Variants in CCDC152 observed in about 807,000 individuals in gnomAD.
CCDC152 encodes coiled-coil domain containing 152.
CCDC152 carries 37 observed loss-of-function variants against 38.1 expected under a neutral mutation model. The ratio of observed to expected loss-of-function variants is 0.97; its 90% CI spans 0.75 to 1.28. The LOEUF is 1.28. Ranked by LOEUF, CCDC152 falls within the 50% of genes most tolerant of loss-of-function variation. The probability of loss-of-function intolerance (pLI) is 0.00; values close to 1 mark genes in which losing one functional copy is unlikely to be tolerated. For synonymous variants in CCDC152, 83 were observed against 87.1 expected (o/e 0.95, Z 0.26); for missense variants, 259 against 292.1 (o/e 0.89, Z 0.83).
At chr5:42,787,681 T>C (rs1759940959) in intron 6 of CCDC152, among the ~76,000 whole-genome samples, 1 of 152,204 alleles carries the variant, frequency 6.6e-6, no homozygotes. Flanking sequence ...AATTGCTGAA[T>C]TGAAGCCTTT....
chr5:42,790,245 G>A (rs1169837039), intron 6 of CCDC152, among the ~76,000 whole-genome samples: 3 of 152,218 alleles, frequency 2.0e-5, no homozygotes, highest in Non-Finnish European at 4.4e-5. Context: ...GCCAAGGCGG[G>A]CGGATTACCT....
Position 42,779,439 on chromosome 5 carries a change from T to C in CCDC152, c.263-19T>C. The C allele has an allele frequency of 7.4e-7, 1 of 1,353,334 alleles. No individual in the cohort carries two copies. 83.8% of individuals were successfully genotyped at this position (1,353,334 alleles called of 1,614,324 possible). A position where few individuals can be genotyped will look rare whatever the true frequency, so the allele number is the denominator to read the frequency against. On this transcript the variant is annotated intron_variant, in intron 4 of 8. Transcript: ENST00000361970. ...AAAAGTGCTATATATTATGATGTTC[T>C]TTGATTATTCTTACACAGGTGAAAA...
In CCDC152 at chr5:42,764,623, TG is replaced by T. The variant is rs377632891; in HGVS notation, c.193+2076del. Among the ~76,000 whole-genome samples, 42 of 152,292 alleles carry T rather than the reference TG, an allele frequency of 2.8e-4. 1 individual carries two copies. The highest frequency in any genetic ancestry group is 9.6e-4 in the African/African-American group (40 of 41,556). ...TTGGATGCAAGGATGCTTCAACATA[TG>T]CAAATCAACCAATGTGTTACATCAT... On this transcript the variant is annotated intron_variant, in intron 3 of 8. Coordinates refer to ENST00000361970, the MANE Select transcript of CCDC152 (RefSeq NM_001134848.2).
At position 42,799,660 on chromosome 5, in the gene CCDC152, A is replaced by C; in HGVS notation, c.644A>C (p.Lys215Thr). The C allele has an allele frequency of 6.5e-7, 1 of 1,541,080 alleles. No homozygotes were observed. The highest frequency in any genetic ancestry group is 8.8e-7 in the Non-Finnish European group (1 of 1,142,404). The change falls in exon 9 of 9, where the codon AAA (lysine) becomes ACA (threonine). Residue 215 changes from lysine to threonine, a missense_variant and splice_region_variant. Transcript: ENST00000361970. ...TVLPQSIYRR[K>T]LQHFQEEKNK... is the part of the protein sequence containing the mutation. Reference sequence around the variant, plus strand: ...TAACAAATTTTTTGTTTCGTTTAGAAACTTCAGCATTTTCAAGAAGAAAAA... The same window carrying C: ...TAACAAATTTTTTGTTTCGTTTAGACACTTCAGCATTTTCAAGAAGAAAAA...
Position 42,801,378 on chromosome 5 carries a change from G to C in CCDC152, c.*1597G>C. ...CTTTTTAACAAGCTTATAGAGATAG[G>C]AATAATGCGTGAAAAATGATTTGTA... On this transcript the variant is annotated 3_prime_UTR_variant, in exon 9 of 9. Coordinates refer to ENST00000361970, the MANE Select transcript of CCDC152 (RefSeq NM_001134848.2). 1 of 1,359,802 alleles carries C rather than the reference G, an allele frequency of 7.4e-7. No homozygotes were observed. The highest frequency in any genetic ancestry group is 1.0e-6 in the Non-Finnish European group (1 of 997,036). The allele number at this position is 1,359,802 out of a possible 1,614,324, so 84.2% of individuals were successfully genotyped here.
intron 3 of CCDC152, among the ~76,000 whole-genome samples, chr5:42,768,873 C>T (rs192227434): frequency 2.6e-5 from 4 of 152,272 alleles, no homozygotes; most frequent in Non-Finnish European, 5.9e-5. Context: ...TGCTTAGGCA[C>T]ATGGTAGGAC....
At chr5:42,793,285 A>G (rs1388820864) in intron 6 of CCDC152, among the ~76,000 whole-genome samples, 1 of 152,174 alleles carries the variant, frequency 6.6e-6, no homozygotes. Flanking sequence ...GTATTTGAGC[A>G]AAAGGATAGA....
At chr5:42,783,256 G>A (rs529863449) in intron 5 of CCDC152, among the ~76,000 whole-genome samples, 2 of 151,792 alleles carry the variant, frequency 1.3e-5, no homozygotes, top group African/African-American at 4.8e-5. Context: ...TTCAAACAAT[G>A]AACAATATTT....
rs1760160873 is a variant in CCDC152, at chr5:42,800,569, A to C, written c.*788A>C. The C allele has an allele frequency of 1.1e-6, 1 of 925,788 alleles. No individual in the cohort carries two copies. The highest frequency in any genetic ancestry group is 1.6e-6 in the Non-Finnish European group (1 of 636,764). The allele number at this position is 925,788 out of a possible 1,614,324, so 57.3% of individuals were successfully genotyped here. On this transcript the variant is annotated 3_prime_UTR_variant, in exon 9 of 9. Coordinates refer to ENST00000361970, the MANE Select transcript of CCDC152 (RefSeq NM_001134848.2). ...TTGAGTCAATATTTCTATGACATAA[A>C]ATTTAAAATCTGGAAGCCAATTCAG...
At chr5:42,789,030 A>G (rs1759963131) in intron 6 of CCDC152, among the ~76,000 whole-genome samples, 1 of 152,256 alleles carries the variant, frequency 6.6e-6, no homozygotes, top group African/African-American at 2.4e-5. Context: ...AGGCATACGC[A>G]GGCATGCCTG....
intron 5 of CCDC152, among the ~76,000 whole-genome samples, chr5:42,782,020 G>T (rs905454539): frequency 6.6e-6 from 1 of 152,066 alleles, no homozygotes; most frequent in African/African-American, 2.4e-5. Flanking sequence ...TCCTCTCCCT[G>T]TTCTTAGCAT....
intron 6 of CCDC152, among the ~76,000 whole-genome samples, chr5:42,785,929 T>C (rs1352250745): frequency 6.6e-6 from 1 of 152,220 alleles, no homozygotes; most frequent in Non-Finnish European, 1.5e-5. Context: ...ATCACATTTA[T>C]TGACTTGCAT....
chr5:42,786,227 C>A (rs1759919674), intron 6 of CCDC152, among the ~76,000 whole-genome samples: 1 of 151,768 alleles, frequency 6.6e-6, no homozygotes, highest in Non-Finnish European at 1.5e-5. Context: ...ATTTGGCTGG[C>A]CTGTAAATAC....
Position 42,799,986 on chromosome 5 carries a change from T to C in CCDC152, c.*205T>C. 2 of 552,036 alleles carry C rather than the reference T, an allele frequency of 3.6e-6. No individual in the cohort carries two copies. Among genetic ancestry groups the C allele is most frequent in the South Asian group, 5.1e-5 (2 of 39,012 alleles). 34.2% of individuals were successfully genotyped at this position (552,036 alleles called of 1,614,324 possible). ...TTAACCATAAAGGAGGTCAGGTTTA[T>C]AGGGTTTGGTTTACCTATTAAACCA... On this transcript the variant is annotated 3_prime_UTR_variant, in exon 9 of 9. Transcript: ENST00000361970.
chr5:42,782,270 C>A (rs912315924), intron 5 of CCDC152, among the ~76,000 whole-genome samples: 4 of 152,224 alleles, frequency 2.6e-5, no homozygotes, highest in Admixed American at 6.5e-5. Flanking sequence ...AGCTATTGAA[C>A]AGTGCCTTTT....
rs540446497 is a variant in CCDC152 at position 42,762,319 on chromosome 5, G to A, written c.88-124G>A. 155 of 596,986 alleles carry A rather than the reference G, an allele frequency of 2.6e-4. 1 individual carries two copies. In the East Asian group the frequency reaches 4.4e-3, roughly 17 times the overall value. The allele number at this position is 596,986 out of a possible 1,614,324, so 37.0% of individuals were successfully genotyped here. A position where few individuals can be genotyped will look rare whatever the true frequency, so the allele number is the denominator to read the frequency against. ...CTTTATGCAGTACATGACTGTATAT[G>A]TATTTTTTTATTAGACTATCAGATA... On this transcript the variant is annotated intron_variant, in intron 2 of 8. Transcript: ENST00000361970.
chr5:42,766,843 G>A (rs144661306), intron 3 of CCDC152, among the ~76,000 whole-genome samples: 60 of 151,008 alleles, frequency 4.0e-4, no homozygotes, highest in African/African-American at 1.3e-3. Context: ...CCTACTATTC[G>A]TTAGCACAGT....
At chr5:42,774,120 A>G (rs1045480525) in intron 4 of CCDC152, among the ~76,000 whole-genome samples, 5 of 152,178 alleles carry the variant, frequency 3.3e-5, no homozygotes, top group Non-Finnish European at 7.4e-5. Context: ...TGATGCATCT[A>G]AAATTGGAGA....
chr5:42,797,799 T>A (rs1412307735), intron 7 of CCDC152, among the ~76,000 whole-genome samples: 1 of 152,078 alleles, frequency 6.6e-6, no homozygotes, highest in African/African-American at 2.4e-5. Flanking sequence ...AATTTTTTTT[T>A]TAAGGGACTT....
Sources: gnomAD v4.1 joint callset for allele counts (sites outside exome capture counted in the v4.1 genomes callset) on GRCh38, gnomAD v4.1.1 for gene constraint, MANE v1.5 for transcripts, NCBI Gene and HGNC (gene_info 2026-07-23, HGNC 2026-07-21) for gene names.